RORA: variants seen among roughly 807,000 people sequenced by gnomAD.
The protein encoded by RORA is nuclear receptor ROR-alpha.
In RORA, 7 loss-of-function variants were observed where a neutral mutation model predicts 69.5. The observed-to-expected ratio is 0.10, with a 90% CI of 0.06 to 0.19. The LOEUF is 0.19. Among genes scored for constraint, RORA ranks in the 10% least tolerant of loss-of-function variants. The pLI, the probability that RORA is intolerant of heterozygous loss-of-function variation, is 1.00. For missense variants in RORA, 457 were observed against 663.0 expected (o/e 0.69, Z 3.41); for synonymous variants, 261 against 240.8 (o/e 1.08, Z -0.78).
chr15:61,127,098 A>G (rs1478222304), intron 1 of RORA, among the ~76,000 whole-genome samples: 3 of 152,200 alleles, frequency 2.0e-5, no homozygotes, highest in Non-Finnish European at 4.4e-5. Context: ...CCTACCCAGG[A>G]AAGATCCAGC....
At chr15:60,754,752 A>G (rs967764626) in intron 1 of RORA, among the ~76,000 whole-genome samples, 3 of 152,098 alleles carry the variant, frequency 2.0e-5, no homozygotes, top group African/African-American at 7.2e-5. Context: ...GTCCTTTCTT[A>G]TACAGATGAG....
At chr15:60,876,889 T>C (rs1389758299) in intron 1 of RORA, among the ~76,000 whole-genome samples, 3 of 151,954 alleles carry the variant, frequency 2.0e-5, no homozygotes, top group Non-Finnish European at 4.4e-5. Context: ...CACTTGCGAG[T>C]GGGAGCTAAA....
intron 1 of RORA, among the ~76,000 whole-genome samples, chr15:61,091,119 A>T (rs1422952026): frequency 6.6e-6 from 1 of 152,162 alleles, no homozygotes; most frequent in African/African-American, 2.4e-5. Flanking sequence ...ATTAGTTCTT[A>T]ATAATACTTT....
rs529928163 is a variant in RORA, at chr15:60,824,206, A to C, written c.167-145520T>G. Among the ~76,000 whole-genome samples, 5 of 152,316 alleles carry C rather than the reference A, an allele frequency of 3.3e-5. No individual in the cohort carries two copies. The South Asian group carries it at 8.3e-4, about 25-fold the overall frequency. On this transcript the variant is annotated intron_variant, in intron 1 of 10. Coordinates refer to ENST00000335670, the MANE Select transcript of RORA (RefSeq NM_134261.3). ...ATAATCAGGAGGATCTTTGTGAATG[A>C]GGAAGAGGTTTGGGACTTGCAAACA...
At chr15:60,657,574 G>T (rs150853690) in intron 2 of RORA, among the ~76,000 whole-genome samples, 28 of 152,328 alleles carry the variant, frequency 1.8e-4, no homozygotes, top group African/African-American at 6.7e-4. Context: ...AGCTATGCCA[G>T]CGTGCAGACC....
intron 1 of RORA, among the ~76,000 whole-genome samples, chr15:60,743,604 T>C (rs1485100094): frequency 6.6e-6 from 1 of 152,116 alleles, no homozygotes; most frequent in Non-Finnish European, 1.5e-5. Context: ...AAAACACTAG[T>C]TTGAGTGAAA....
intron 1 of RORA, chr15:61,194,072 G>A (rs1025676): frequency 0.82 from 124,455 of 152,174 alleles, 52,334 homozygotes; most frequent in Non-Finnish European, 0.93. Flanking sequence ...CGTGGGAAGC[G>A]CACGAAGTCC....
chr15:60,830,023 T>C (rs1459099323), intron 1 of RORA, among the ~76,000 whole-genome samples: 2 of 152,190 alleles, frequency 1.3e-5, no homozygotes, highest in Non-Finnish European at 2.9e-5. Context: ...ACTTTAAAGA[T>C]ATCCCACTGA....
intron 1 of RORA, among the ~76,000 whole-genome samples, chr15:60,952,853 A>G (rs914187290): frequency 1.5e-5 from 1 of 65,200 alleles, no homozygotes; most frequent in Non-Finnish European, 3.1e-5. Context: ...TATCGTGAAA[A>G]TGGCCATACT....
intron 1 of RORA, among the ~76,000 whole-genome samples, chr15:60,954,590 C>T (rs1359726350): frequency 6.6e-6 from 1 of 152,106 alleles, no homozygotes. Context: ...ACCTATTGAC[C>T]TATGTGGGGT....
rs35632839 is a variant in RORA at position 61,004,378 on chromosome 15, GTT to G, written c.166+224673_166+224674del. On this transcript the variant is annotated intron_variant, in intron 1 of 10. Coordinates refer to ENST00000335670, the MANE Select transcript of RORA (RefSeq NM_134261.3). The stretch of plus-strand genomic sequence containing the variant: ...TTTATGCTTAAAATGGAGTCTGAAT[GTT>G]TTTTTTTTTTTTCATCTAAAAATAA... Among the ~76,000 whole-genome samples the G allele has an allele frequency of 7.7e-3, 1,115 of 145,012 alleles. 7 individuals carry two copies. Among genetic ancestry groups the G allele is most frequent in the Non-Finnish European group, 0.012 (779 of 66,108 alleles).
intron 10 of RORA, 132 bp from the exon 11 acceptor site, chr15:60,497,751 G>T: frequency 1.4e-6 from 1 of 726,566 alleles, no homozygotes; most frequent in Non-Finnish European, 2.3e-6. Context: ...ACATCCAGTA[G>T]CAGAGGATTG....
intron 2 of RORA, among the ~76,000 whole-genome samples, chr15:60,664,057 T>C (rs2070345927): frequency 1.3e-5 from 2 of 152,184 alleles, no homozygotes; most frequent in Non-Finnish European, 2.9e-5. Flanking sequence ...GAATCTCAGG[T>C]GAAGCAATTT....
intron 1 of RORA, chr15:60,681,667 A>G (rs1006490157): frequency 1.3e-5 from 2 of 152,108 alleles, no homozygotes; most frequent in Non-Finnish European, 2.9e-5. Flanking sequence ...ACCAGCAGCC[A>G]TTTTCTCACC....
At chr15:60,501,153 C>T (rs2065318898) in intron 8 of RORA, 84 bp from the exon 9 acceptor site, 2 of 670,546 alleles carry the variant, frequency 3.0e-6, no homozygotes, top group Non-Finnish European at 5.3e-6. Context: ...TCCTAAGGTT[C>T]TCCTAAGTCC....
intron 1 of RORA, among the ~76,000 whole-genome samples, chr15:60,830,939 G>T (rs1397516295): frequency 1.3e-5 from 2 of 152,190 alleles, no homozygotes; most frequent in African/African-American, 2.4e-5. Flanking sequence ...ATATGTGTGT[G>T]CATGCACGTG....
rs964120689 is a variant in RORA, at chr15:60,489,221, A to G, written c.*8234T>C. ...CCACTTTAAAAGGTTAACTACTAGC[A>G]TTAGCTCTCATTAACCACACAATTG... On this transcript the variant is annotated 3_prime_UTR_variant, in exon 11 of 11. Coordinates refer to ENST00000335670, the MANE Select transcript of RORA (RefSeq NM_134261.3). 2.0e-5 allele frequency: 3 copies of G among 152,268 alleles called. No individual in the cohort carries two copies. The highest frequency in any genetic ancestry group is 7.2e-5 in the African/African-American group (3 of 41,468). The allele number at this position is 152,268 out of a possible 1,614,324, so 9.4% of individuals were successfully genotyped here.
chr15:60,518,074 G>C (rs1012584092), intron 3 of RORA, among the ~76,000 whole-genome samples: 1 of 152,082 alleles, frequency 6.6e-6, no homozygotes, highest in Non-Finnish European at 1.5e-5. Flanking sequence ...ATGTTGCCCA[G>C]GCTGGTCTCG....
intron 1 of RORA, among the ~76,000 whole-genome samples, chr15:60,844,200 T>C (rs1159927541): frequency 6.6e-6 from 1 of 152,184 alleles, no homozygotes; most frequent in Non-Finnish European, 1.5e-5. Flanking sequence ...TCTAGCTATT[T>C]GTTAACATGT....
Sources: allele counts gnomAD v4.1 joint callset (sites outside exome capture counted in the v4.1 genomes callset), GRCh38; gene constraint gnomAD v4.1.1; transcripts MANE v1.5; gene names NCBI Gene and HGNC (gene_info 2026-07-23, HGNC 2026-07-21).